ELMO1: variants seen among roughly 807,000 people sequenced by gnomAD.
ELMO1 encodes the protein engulfment and cell motility protein 1.
A neutral mutation model predicts 98.9 loss-of-function variants in ELMO1; 26 were observed. That is an observed-to-expected ratio of 0.26 (90% CI 0.19 to 0.36). ELMO1 has a LOEUF of 0.36. Ranked by LOEUF, ELMO1 falls within the 10% of genes least tolerant of loss-of-function variation. ELMO1 has a pLI of 1.00. For synonymous variants in ELMO1, 346 were observed against 346.0 expected, an observed-to-expected ratio of 1.00 and a Z score of 0.00; for missense variants, 627 against 935.2, an observed-to-expected ratio of 0.67 and a Z score of 4.30.
intron 4 of ELMO1, among the ~76,000 whole-genome samples, chr7:37,278,920 G>C (rs988936278): frequency 6.6e-6 from 1 of 152,172 alleles, no homozygotes; most frequent in Admixed American, 6.5e-5. Context: ...GTGTGTGAGG[G>C]GCCAGGCGCG....
At chr7:37,292,104 C>T (rs559661731) in intron 4 of ELMO1, among the ~76,000 whole-genome samples, 1 of 125,580 alleles carries the variant, frequency 8.0e-6, no homozygotes, top group Non-Finnish European at 1.9e-5. Context: ...CGCACCGCCA[C>T]GCCTGACTGG....
chr7:37,044,053 AG>A (rs937100300), intron 15 of ELMO1, among the ~76,000 whole-genome samples: 4 of 152,182 alleles, frequency 2.6e-5, no homozygotes, highest in African/African-American at 9.7e-5. Context: ...ATAAGGGAAA[AG>A]CTCTAGAGCC....
At chr7:37,200,071 T>G (rs1344999178) in intron 13 of ELMO1, among the ~76,000 whole-genome samples, 1 of 152,108 alleles carries the variant, frequency 6.6e-6, no homozygotes, top group Non-Finnish European at 1.5e-5. Flanking sequence ...AGCTACAACT[T>G]GTTTTTTATC....
intron 16 of ELMO1, among the ~76,000 whole-genome samples, chr7:36,912,468 A>G (rs148418070): frequency 6.6e-6 from 1 of 152,300 alleles, no homozygotes; most frequent in African/African-American, 2.4e-5. Context: ...TAGGAGAAAG[A>G]CAGGAGGGAG....
chr7:36,976,573 T>C (rs893309099), intron 16 of ELMO1, among the ~76,000 whole-genome samples: 2 of 152,226 alleles, frequency 1.3e-5, no homozygotes, highest in Non-Finnish European at 2.9e-5. Context: ...GACCCACTTA[T>C]GGTTCCTTAT....
chr7:36,969,839 T>G (rs1789764204), intron 16 of ELMO1, among the ~76,000 whole-genome samples: 1 of 152,186 alleles, frequency 6.6e-6, no homozygotes, highest in Non-Finnish European at 1.5e-5. Flanking sequence ...CTTTAATAAT[T>G]AAAGTCAAGA....
chr7:36,861,926 C>T (rs564491072), intron 20 of ELMO1, 190 bp from the exon 21 acceptor site: 124 of 607,192 alleles, frequency 2.0e-4, no homozygotes, highest in Non-Finnish European at 3.0e-4. Flanking sequence ...CCATTCACGG[C>T]GGTCTGTGAA....
intron 4 of ELMO1, among the ~76,000 whole-genome samples, chr7:37,273,991 G>C (rs142840701): frequency 2.0e-5 from 3 of 152,240 alleles, no homozygotes; most frequent in Non-Finnish European, 4.4e-5. Flanking sequence ...CCAAGTGCAG[G>C]CAGGCCCGAA....
At chr7:36,994,171 T>A (rs896960940) in intron 16 of ELMO1, among the ~76,000 whole-genome samples, 2 of 152,172 alleles carry the variant, frequency 1.3e-5, no homozygotes, top group African/African-American at 4.8e-5. Context: ...AACAATAAAG[T>A]TCCATTTATT....
At chr7:37,041,194 G>A (rs1353614809) in intron 15 of ELMO1, among the ~76,000 whole-genome samples, 2 of 152,196 alleles carry the variant, frequency 1.3e-5, no homozygotes. Flanking sequence ...CTATAGGAAA[G>A]AGGGAAAAAC....
At chr7:37,273,702 T>C (rs1796686220) in intron 4 of ELMO1, among the ~76,000 whole-genome samples, 1 of 152,152 alleles carries the variant, frequency 6.6e-6, no homozygotes, top group African/African-American at 2.4e-5. Context: ...ATGCCCTACC[T>C]GGTATGCTGA....
chr7:37,187,895 C>A (rs1762382761), intron 13 of ELMO1, among the ~76,000 whole-genome samples: 1 of 152,112 alleles, frequency 6.6e-6, no homozygotes, highest in African/African-American at 2.4e-5. Flanking sequence ...CCCTGAATAT[C>A]CCATTTCTAG....
chr7:37,275,374 A>G (rs1465837426), intron 4 of ELMO1, among the ~76,000 whole-genome samples: 1 of 152,230 alleles, frequency 6.6e-6, no homozygotes, highest in Non-Finnish European at 1.5e-5. Flanking sequence ...TTGGAACCCA[A>G]GCAAGATTGC....
At chr7:37,091,359 G>A (rs539046247) in intron 15 of ELMO1, among the ~76,000 whole-genome samples, 7 of 152,188 alleles carry the variant, frequency 4.6e-5, no homozygotes, top group Admixed American at 6.5e-5. Flanking sequence ...CACCCGCCTC[G>A]GCCGCTGAAA....
intron 13 of ELMO1, among the ~76,000 whole-genome samples, chr7:37,151,504 T>C (rs1246646575): frequency 6.6e-6 from 1 of 152,072 alleles, no homozygotes; most frequent in African/African-American, 2.4e-5. Flanking sequence ...GACCTGTAAA[T>C]ATTCAGGGTA....
In ELMO1 at chr7:36,853,706, G is replaced by A. The variant is rs1215835566; in HGVS notation, c.*1845C>T. ...ATCTGTAATTGCACATCCTGATGACGGTAAAGAGAAATGACCTGGATGCTT... is the reference window on the plus strand; with the variant it reads ...ATCTGTAATTGCACATCCTGATGACAGTAAAGAGAAATGACCTGGATGCTT... On this transcript the variant is annotated 3_prime_UTR_variant, in exon 22 of 22. Coordinates refer to ENST00000310758, the MANE Select transcript of ELMO1 (RefSeq NM_014800.11). Among the ~76,000 whole-genome samples the A allele has an allele frequency of 5.9e-5, 9 of 152,156 alleles. No homozygotes were observed. Among genetic ancestry groups the A allele is most frequent in the Admixed American group, 2.0e-4 (3 of 15,280 alleles).
chr7:37,404,415 G>T (rs546974477), intron 1 of ELMO1, among the ~76,000 whole-genome samples: 1 of 152,134 alleles, frequency 6.6e-6, no homozygotes, highest in East Asian at 1.9e-4. Context: ...GCCACTCCCC[G>T]CCATTGGCAC....
At chr7:37,066,564 G>C (rs1796979370) in intron 15 of ELMO1, among the ~76,000 whole-genome samples, 1 of 152,170 alleles carries the variant, frequency 6.6e-6, no homozygotes, top group African/African-American at 2.4e-5. Flanking sequence ...AAGAGTTCTA[G>C]TGTTCTATAC....
intron 16 of ELMO1, among the ~76,000 whole-genome samples, chr7:36,999,989 G>A (rs1280492737): frequency 2.6e-5 from 4 of 152,006 alleles, no homozygotes; most frequent in African/African-American, 9.7e-5. Context: ...TCTGGTACAT[G>A]CACAAGCAAA....
Sources: allele counts gnomAD v4.1 joint callset (sites outside exome capture counted in the v4.1 genomes callset), GRCh38; gene constraint gnomAD v4.1.1; transcripts MANE v1.5; gene names NCBI Gene and HGNC (gene_info 2026-07-23, HGNC 2026-07-21).